DSE: variants seen among roughly 807,000 people sequenced by gnomAD.
DSE encodes the protein dermatan sulfate epimerase.
In DSE, 36 loss-of-function variants were observed where a neutral mutation model predicts 84.4. The observed-to-expected ratio is 0.43, with a 90% CI of 0.33 to 0.56. The LOEUF is 0.56. DSE is among the 20% of genes least tolerant of loss of function. DSE has a pLI of 0.06. For synonymous variants in DSE, 410 were observed against 430.1 expected (o/e 0.95, Z 0.58); for missense variants, 862 against 1,169.6 (o/e 0.74, Z 3.84).
intron 2 of DSE, among the ~76,000 whole-genome samples, chr6:116,415,973 G>A (rs9488925): frequency 0.028 from 4,338 of 152,272 alleles, 228 homozygotes; most frequent in African/African-American, 0.098. Flanking sequence ...TAAAATCAAG[G>A]TGTTAGCAGG....
rs1233787177 is a variant in DSE, at chr6:116,438,113, A to G, written c.*768A>G. 2 of 152,576 alleles carry G rather than the reference A, an allele frequency of 1.3e-5. No individual in the cohort carries two copies. The highest frequency in any genetic ancestry group is 4.8e-5 in the African/African-American group (2 of 41,444). The allele number at this position is 152,576 out of a possible 1,614,324, so 9.5% of individuals were successfully genotyped here. A position where few individuals can be genotyped will look rare whatever the true frequency, so the allele number is the denominator to read the frequency against. On this transcript the variant is annotated 3_prime_UTR_variant, in exon 6 of 6. Coordinates refer to ENST00000644252, the MANE Select transcript of DSE (RefSeq NM_013352.4). ...TTTTCCTTATATGGAAAACCGTTATAGACCCAATAACAACTAAACCTTTCA... is the reference window on the plus strand; with the variant it reads ...TTTTCCTTATATGGAAAACCGTTATGGACCCAATAACAACTAAACCTTTCA...
intron 2 of DSE, among the ~76,000 whole-genome samples, chr6:116,336,125 A>T (rs1399482361): frequency 6.6e-6 from 1 of 152,248 alleles, no homozygotes; most frequent in African/African-American, 2.4e-5. Context: ...GGAATCCAGG[A>T]AGAATTTTAT....
intron 2 of DSE, among the ~76,000 whole-genome samples, chr6:116,409,367 C>T (rs1283448057): frequency 6.6e-6 from 1 of 152,188 alleles, no homozygotes; most frequent in Non-Finnish European, 1.5e-5. Flanking sequence ...AGCTCCGCCT[C>T]CTGGGTTCAT....
intron 2 of DSE, among the ~76,000 whole-genome samples, chr6:116,260,713 A>G (rs1772378773): frequency 6.6e-6 from 1 of 152,192 alleles, no homozygotes; most frequent in Non-Finnish European, 1.5e-5. Flanking sequence ...TTAGCCAATT[A>G]TCCCAGTACC....
At chr6:116,414,054 G>GGCAGCA (rs1167462011) in intron 2 of DSE, among the ~76,000 whole-genome samples, 6 of 152,332 alleles carry the variant, frequency 3.9e-5, no homozygotes, top group African/African-American at 1.4e-4. Context: ...TGTACGAGGT[G>GGCAGCA]GCAGCAATGG....
intron 2 of DSE, among the ~76,000 whole-genome samples, chr6:116,415,353 C>A (rs914463063): frequency 6.6e-6 from 1 of 152,114 alleles, no homozygotes; most frequent in Non-Finnish European, 1.5e-5. Flanking sequence ...ATATTCCACT[C>A]TGAAGCATAT....
chr6:116,294,745 C>T (rs1262865850), intron 2 of DSE, among the ~76,000 whole-genome samples: 1 of 152,184 alleles, frequency 6.6e-6, no homozygotes, highest in Non-Finnish European at 1.5e-5. Context: ...ACCATCTAGT[C>T]TCTGGTCCCA....
intron 2 of DSE, among the ~76,000 whole-genome samples, chr6:116,348,352 G>T (rs1204462703): frequency 2.0e-5 from 3 of 152,036 alleles, no homozygotes; most frequent in Admixed American, 6.5e-5. Context: ...GCGTGAACCT[G>T]GGAGACGGAG....
At chr6:116,353,483 A>G (rs191935733) in intron 2 of DSE, among the ~76,000 whole-genome samples, 4 of 152,322 alleles carry the variant, frequency 2.6e-5, no homozygotes, top group African/African-American at 9.6e-5. Context: ...GTTTCTCAGT[A>G]AGGTTCTTTA....
chr6:116,278,588 G>A, intron 2 of DSE: 5 of 1,614,112 alleles, frequency 3.1e-6, no homozygotes, highest in Non-Finnish European at 4.2e-6. Flanking sequence ...CGGGCTCTAC[G>A]GACTCCTTCA....
intron 2 of DSE, chr6:116,288,175 A>G (rs1002025143): frequency 5.3e-5 from 8 of 152,090 alleles, no homozygotes; most frequent in African/African-American, 1.7e-4. Context: ...GACTGGAGCT[A>G]GTCATCTTTC....
At chr6:116,390,519 T>C (rs1181043936) in intron 1 of DSE, among the ~76,000 whole-genome samples, 1 of 152,222 alleles carries the variant, frequency 6.6e-6, no homozygotes, top group Admixed American at 6.5e-5. Flanking sequence ...TACTACTTTT[T>C]AAGTGATTCA....
chr6:116,335,013 C>T (rs1766587017), intron 2 of DSE, among the ~76,000 whole-genome samples: 1 of 152,134 alleles, frequency 6.6e-6, no homozygotes, highest in Admixed American at 6.5e-5. Flanking sequence ...TACCATTGGC[C>T]TCATTACTGT....
At chr6:116,258,458 G>A (rs771766362) in exon 2 of DSE, 2 of 888,578 alleles carry the variant, frequency 2.3e-6, no homozygotes, top group South Asian at 2.6e-5. Flanking sequence ...CTGCCCTGAA[G>A]GGCAGACAGG....
intron 1 of DSE, among the ~76,000 whole-genome samples, chr6:116,383,086 G>T (rs2114952161): frequency 1.3e-5 from 2 of 152,266 alleles, no homozygotes; most frequent in Admixed American, 1.3e-4. Context: ...GAGACAAGTT[G>T]TTATTGAAAG....
rs1348296515 is a variant in DSE at position 116,399,391 on chromosome 6, C to T, written c.141C>T (p.Tyr47=). ...NANYDSHPML[Y]FSRAEVAELQ... The stretch of plus-strand genomic sequence containing the variant: ...ACTACGACAGCCATCCCATGCTGTA[C>T]TTCTCCAGGGCAGAAGTGGCGGAGC... Residue 47 remains tyrosine (Y), a synonymous_variant, in exon 2 of 6, where the codon TAC becomes TAT. Transcript: ENST00000644252. 1.9e-6 allele frequency: 3 copies of T among 1,614,040 alleles called. No individual in the cohort carries two copies. The South Asian group carries it at 3.3e-5, about 18-fold the overall frequency.
chr6:116,291,733 G>A (rs753048788), intron 2 of DSE, among the ~76,000 whole-genome samples: 2 of 152,088 alleles, frequency 1.3e-5, no homozygotes, highest in East Asian at 3.9e-4. Flanking sequence ...TAAAGGCTGG[G>A]ATATCAGTTG....
intron 2 of DSE, among the ~76,000 whole-genome samples, chr6:116,343,584 C>G (rs899708565): frequency 4.6e-5 from 7 of 152,340 alleles, no homozygotes; most frequent in Admixed American, 2.6e-4. Flanking sequence ...GCTGAGGGTC[C>G]TGACTGTTAG....
intron 2 of DSE, among the ~76,000 whole-genome samples, chr6:116,361,829 A>G (rs185182750): frequency 3.2e-4 from 49 of 152,330 alleles, no homozygotes; most frequent in African/African-American, 1.2e-3. Context: ...TACTTCTCAA[A>G]AAGTTCCTGT....
Sources: allele counts gnomAD v4.1 joint callset (sites outside exome capture counted in the v4.1 genomes callset), GRCh38; gene constraint gnomAD v4.1.1; transcripts MANE v1.5; gene names NCBI Gene and HGNC (gene_info 2026-07-23, HGNC 2026-07-21).